TXNRD1: variants seen among roughly 807,000 people sequenced by gnomAD.
TXNRD1 encodes thioredoxin reductase 1.
A neutral mutation model predicts 80.3 loss-of-function variants in TXNRD1; 57 were observed. The ratio of observed to expected loss-of-function variants is 0.71; its 90% CI spans 0.57 to 0.89. The LOEUF (loss-of-function observed/expected upper bound fraction) is 0.89. Among genes scored for constraint, TXNRD1 ranks in the 40% least tolerant of loss-of-function variants. The pLI is 0.00. For missense variants in TXNRD1, 730 were observed against 803.0 expected (o/e 0.91, Z 1.10); for synonymous variants, 291 against 285.2 (o/e 1.02, Z -0.20).
intron 4 of TXNRD1, among the ~76,000 whole-genome samples, chr12:104,310,366 C>CT (rs2035092289): frequency 6.6e-6 from 1 of 152,154 alleles, no homozygotes; most frequent in South Asian, 2.1e-4. Context: ...CCAGGCTGAT[C>CT]TCAAACTCCT....
chr12:104,308,771 C>G (rs1426340772), intron 4 of TXNRD1, among the ~76,000 whole-genome samples: 4 of 151,972 alleles, frequency 2.6e-5, no homozygotes, highest in Admixed American at 2.6e-4. Flanking sequence ...GTGCTACCTT[C>G]TACTGTTTGG....
intron 3 of TXNRD1, among the ~76,000 whole-genome samples, chr12:104,276,334 A>G (rs2033757649): frequency 6.6e-6 from 1 of 152,178 alleles, no homozygotes; most frequent in Non-Finnish European, 1.5e-5. Flanking sequence ...AGCTGCTGGG[A>G]AGAGAAGACA....
chr12:104,327,755 G>C, intron 13 of TXNRD1, 84 bp downstream of exon 13: 1 of 1,446,994 alleles, frequency 6.9e-7, no homozygotes, highest in Non-Finnish European at 9.4e-7. Flanking sequence ...GGGAAGTTTC[G>C]CAGATCTTGA....
rs147491047 is a variant in TXNRD1, at chr12:104,219,836, T to C, written c.91+3943T>C. Among the ~76,000 whole-genome samples, 50 of 152,312 alleles carry C rather than the reference T, an allele frequency of 3.3e-4. No homozygotes were observed. The East Asian group carries it at 9.2e-3, about 28-fold the overall frequency. On this transcript the variant is annotated intron_variant, in intron 1 of 16. Transcript: ENST00000525566. ...TTCCAAAAGCCAATGCTATTAACAT[T>C]GACCAGCTTCTTCTAGTAAGGAGAG...
chr12:104,263,907 G>T (rs7138523), intron 3 of TXNRD1, among the ~76,000 whole-genome samples: 103,462 of 152,050 alleles, frequency 0.68, 35,341 homozygotes, highest in East Asian at 0.85. Flanking sequence ...TTGTGTGGTT[G>T]TTGGAATTAA....
chr12:104,342,442 A>C (rs1028040577), intron 16 of TXNRD1, among the ~76,000 whole-genome samples: 2 of 152,176 alleles, frequency 1.3e-5, no homozygotes, highest in African/African-American at 4.8e-5. Context: ...GACCAAATAC[A>C]TATTTCTTCT....
intron 1 of TXNRD1, among the ~76,000 whole-genome samples, chr12:104,216,485 C>T (rs2032216520): frequency 6.6e-6 from 1 of 152,226 alleles, no homozygotes; most frequent in African/African-American, 2.4e-5. Context: ...GAAGAGAAAG[C>T]TCCCAGTCTC....
At chr12:104,280,093 C>A (rs1393808576) in intron 3 of TXNRD1, among the ~76,000 whole-genome samples, 1 of 144,312 alleles carries the variant, frequency 6.9e-6, no homozygotes, top group Admixed American at 7.0e-5. Flanking sequence ...ATTCCTCTAT[C>A]CTACATCCCT....
At position 104,327,521 on chromosome 12, in the gene TXNRD1, A is replaced by T; in HGVS notation, c.1392A>T (p.Gly464=). Residue 464 remains glycine, a synonymous_variant, in exon 13 of 17, where the codon GGA becomes GGT. Coordinates refer to ENST00000525566, the MANE Select transcript of TXNRD1 (RefSeq NM_001093771.3). The part of the protein sequence containing the change: ...TVGVKINEKT[G]KIPVTDEEQT... ...TAACTGAATAAAATTGCAGGACTGGAAAAATACCTGTCACAGATGAAGAAC... is the reference window on the plus strand; with the variant it reads ...TAACTGAATAAAATTGCAGGACTGGTAAAATACCTGTCACAGATGAAGAAC... 2.5e-6 allele frequency: 4 copies of T among 1,611,092 alleles called. No individual in the cohort carries two copies. The South Asian group carries it at 4.4e-5, about 18-fold the overall frequency.
intron 3 of TXNRD1, among the ~76,000 whole-genome samples, chr12:104,272,651 G>T (rs11111970): frequency 0.23 from 34,572 of 151,768 alleles, 4,207 homozygotes; most frequent in Middle Eastern, 0.39. Flanking sequence ...AATTAGCTGG[G>T]CGTGGTGGCG....
intron 3 of TXNRD1, among the ~76,000 whole-genome samples, chr12:104,271,901 T>G (rs1025407621): frequency 1.3e-5 from 2 of 151,778 alleles, no homozygotes; most frequent in Non-Finnish European, 2.9e-5. Context: ...AAGAAAGATG[T>G]ATTTGGATTC....
chr12:104,222,999 C>T (rs1484860586), intron 1 of TXNRD1, among the ~76,000 whole-genome samples: 1 of 152,078 alleles, frequency 6.6e-6, no homozygotes, highest in African/African-American at 2.4e-5. Context: ...TTAAATGATC[C>T]TTGGGTGGGC....
intron 3 of TXNRD1, among the ~76,000 whole-genome samples, chr12:104,265,038 G>A: frequency 6.6e-6 from 1 of 152,114 alleles, no homozygotes; most frequent in East Asian, 1.9e-4. Flanking sequence ...CAGATCATGA[G>A]GTCAAGAGAT....
intron 3 of TXNRD1, among the ~76,000 whole-genome samples, chr12:104,267,721 CTCTT>C (rs71069740): frequency 1.2e-5 from 1 of 84,700 alleles, no homozygotes; most frequent in South Asian, 3.9e-4. Flanking sequence ...TTCTTTCTTT[CTCTT>C]TCTTTCTTTC....
chr12:104,287,150 C>T, intron 3 of TXNRD1: 1 of 1,544,934 alleles, frequency 6.5e-7, no homozygotes, highest in African/African-American at 1.4e-5. Context: ...AGCCGCGAGC[C>T]CAGGGATGGG....
At chr12:104,250,019 T>G (rs1245137110) in intron 1 of TXNRD1, among the ~76,000 whole-genome samples, 1 of 152,000 alleles carries the variant, frequency 6.6e-6, no homozygotes, top group Non-Finnish European at 1.5e-5. Context: ...TTTTGGGGAT[T>G]TAGCTGATTT....
chr12:104,310,506 C>T (rs2035096502), intron 4 of TXNRD1, among the ~76,000 whole-genome samples: 1 of 152,062 alleles, frequency 6.6e-6, no homozygotes, highest in Non-Finnish European at 1.5e-5. Flanking sequence ...CAGTCATTAT[C>T]TCTTGTTAAC....
At chr12:104,287,208 G>T in intron 3 of TXNRD1, 1 of 1,600,946 alleles carries the variant, frequency 6.2e-7, no homozygotes, top group Admixed American at 1.7e-5. Context: ...ATTGCGCCTG[G>T]GTGCAGCAGT....
intron 4 of TXNRD1, among the ~76,000 whole-genome samples, chr12:104,293,829 A>C (rs1022797167): frequency 4.7e-4 from 71 of 152,288 alleles, no homozygotes; most frequent in African/African-American, 3.4e-4. Context: ...GTCGGGCTGC[A>C]CTATTATTTA....
Sources: allele counts gnomAD v4.1 joint callset (sites outside exome capture counted in the v4.1 genomes callset), GRCh38; gene constraint gnomAD v4.1.1; transcripts MANE v1.5; gene names NCBI Gene and HGNC (gene_info 2026-07-23, HGNC 2026-07-21).